Variants in CCSER1 observed in about 807,000 individuals in gnomAD.
CCSER1 encodes the protein serine-rich coiled-coil domain-containing protein 1.
A neutral mutation model predicts 82.0 loss-of-function variants in CCSER1; 41 were observed. The ratio of observed to expected loss-of-function variants is 0.50; its 90% CI spans 0.39 to 0.65. The LOEUF is 0.65. CCSER1 is among the 30% of genes least tolerant of loss of function. The pLI is 0.00. For synonymous variants in CCSER1, 414 were observed against 383.9 expected (o/e 1.08, Z -0.92); for missense variants, 1,119 against 1,064.2 (o/e 1.05, Z -0.72).
intron 10 of CCSER1, among the ~76,000 whole-genome samples, chr4:91,560,985 A>G (rs1762626901): frequency 6.6e-6 from 1 of 151,444 alleles, no homozygotes; most frequent in Non-Finnish European, 1.5e-5. Context: ...ACTGACTCCA[A>G]AACCTGAAAG....
intron 6 of CCSER1, among the ~76,000 whole-genome samples, chr4:90,635,771 A>T (rs1463917159): frequency 6.6e-6 from 1 of 151,898 alleles, no homozygotes; most frequent in Non-Finnish European, 1.5e-5. Context: ...GAAGATTTGT[A>T]ATGTTCCCAA....
At chr4:90,550,882 T>A (rs191792665) in intron 5 of CCSER1, among the ~76,000 whole-genome samples, 4 of 152,296 alleles carry the variant, frequency 2.6e-5, no homozygotes, top group Admixed American at 1.3e-4. Flanking sequence ...TCATAAATGA[T>A]TGTTAACATC....
chr4:91,179,857 C>G (rs553898425), intron 10 of CCSER1, among the ~76,000 whole-genome samples: 3 of 152,346 alleles, frequency 2.0e-5, no homozygotes, highest in African/African-American at 7.2e-5. Context: ...TGGCGAGGAG[C>G]TACATTCCTT....
At chr4:90,206,713 C>G in intron 1 of CCSER1, among the ~76,000 whole-genome samples, 1 of 146,980 alleles carries the variant, frequency 6.8e-6, no homozygotes, top group Non-Finnish European at 1.5e-5. Flanking sequence ...ATTAGGTCTG[C>G]TTGGTCCAGA....
chr4:90,719,855 G>A (rs919254901), intron 6 of CCSER1, among the ~76,000 whole-genome samples: 1 of 152,090 alleles, frequency 6.6e-6, no homozygotes, highest in Non-Finnish European at 1.5e-5. Flanking sequence ...AAGTCATTCA[G>A]TGTAGCCTGA....
chr4:91,354,719 T>C (rs1398938276), intron 10 of CCSER1, among the ~76,000 whole-genome samples: 1 of 152,226 alleles, frequency 6.6e-6, no homozygotes, highest in African/African-American at 2.4e-5. Context: ...CATCAGGAAC[T>C]GGATCTGTAG....
intron 10 of CCSER1, among the ~76,000 whole-genome samples, chr4:91,399,882 G>C (rs969647027): frequency 6.6e-6 from 1 of 151,762 alleles, no homozygotes; most frequent in Non-Finnish European, 1.5e-5. Flanking sequence ...TCCTCTGAAC[G>C]TTTTCTGTTC....
At chr4:90,278,887 C>T (rs1173576476) in intron 1 of CCSER1, among the ~76,000 whole-genome samples, 1 of 152,028 alleles carries the variant, frequency 6.6e-6, no homozygotes, top group Non-Finnish European at 1.5e-5. Context: ...AAAGTTTGCT[C>T]TCTTTCATTG....
intron 10 of CCSER1, among the ~76,000 whole-genome samples, chr4:91,141,144 G>T (rs914417924): frequency 3.3e-5 from 5 of 150,538 alleles, no homozygotes; most frequent in African/African-American, 1.2e-4. Flanking sequence ...CAAAGGATAT[G>T]ATTTCATTCT....
chr4:90,800,465 A>T (rs908137075), intron 7 of CCSER1, among the ~76,000 whole-genome samples: 1 of 152,050 alleles, frequency 6.6e-6, no homozygotes, highest in Non-Finnish European at 1.5e-5. Flanking sequence ...ACAATTTCTT[A>T]CCTTGCTTAA....
chr4:90,857,074 G>C (rs1764547252), intron 8 of CCSER1, among the ~76,000 whole-genome samples: 1 of 151,902 alleles, frequency 6.6e-6, no homozygotes, highest in Non-Finnish European at 1.5e-5. Context: ...GGAATTCTGG[G>C]GCTTAAACTG....
intron 10 of CCSER1, among the ~76,000 whole-genome samples, chr4:91,538,696 C>T (rs910316555): frequency 1.9e-4 from 4 of 21,288 alleles, no homozygotes; most frequent in African/African-American, 1.4e-3. Flanking sequence ...ATTATATATA[C>T]ACATATATAT....
At chr4:90,772,100 A>G (rs918275289) in intron 7 of CCSER1, among the ~76,000 whole-genome samples, 1 of 152,194 alleles carries the variant, frequency 6.6e-6, no homozygotes, top group African/African-American at 2.4e-5. Context: ...CATTTGTGTT[A>G]TTCAATAAAA....
intron 10 of CCSER1, among the ~76,000 whole-genome samples, chr4:91,215,313 T>C (rs1047823884): frequency 6.6e-6 from 1 of 152,148 alleles, no homozygotes; most frequent in Non-Finnish European, 1.5e-5. Context: ...AAAGTACATA[T>C]GCCTTTAAAA....
intron 9 of CCSER1, among the ~76,000 whole-genome samples, chr4:91,013,809 G>A (rs1353578679): frequency 8.0e-6 from 1 of 125,054 alleles, no homozygotes; most frequent in Non-Finnish European, 1.8e-5. Flanking sequence ...TTTTAGTAGA[G>A]ATGGGGTTTT....
chr4:91,318,671 A>G (rs2149261963), intron 10 of CCSER1, among the ~76,000 whole-genome samples: 1 of 152,174 alleles, frequency 6.6e-6, no homozygotes, highest in East Asian at 1.9e-4. Flanking sequence ...TGCTACTTTA[A>G]AGAATAGAAT....
intron 10 of CCSER1, among the ~76,000 whole-genome samples, chr4:91,375,319 A>G (rs190348123): frequency 6.6e-6 from 1 of 152,338 alleles, no homozygotes; most frequent in African/African-American, 2.4e-5. Flanking sequence ...TGATGGCACG[A>G]AACATTGTTA....
intron 9 of CCSER1, among the ~76,000 whole-genome samples, chr4:91,028,357 A>C (rs1399248747): frequency 1.3e-5 from 2 of 151,954 alleles, no homozygotes; most frequent in African/African-American, 2.4e-5. Flanking sequence ...ATGAGATCAA[A>C]TCATATGTTC....
At chr4:90,618,790 A>T (rs1721767860) in intron 5 of CCSER1, among the ~76,000 whole-genome samples, 1 of 151,908 alleles carries the variant, frequency 6.6e-6, no homozygotes, top group African/African-American at 2.4e-5. Flanking sequence ...CTTATTGTTG[A>T]TAAGAAGTTC....
Sources: gnomAD v4.1 joint callset for allele counts (sites outside exome capture counted in the v4.1 genomes callset) on GRCh38, gnomAD v4.1.1 for gene constraint, MANE v1.5 for transcripts, NCBI Gene and HGNC (gene_info 2026-07-23, HGNC 2026-07-21) for gene names.